Variants in FAM83B observed in about 807,000 individuals in gnomAD.
The protein encoded by FAM83B is protein FAM83B.
A neutral mutation model predicts 38.8 loss-of-function variants in FAM83B; 26 were observed. The observed-to-expected ratio is 0.67, with a 90% confidence interval of 0.49 to 0.93. FAM83B has a LOEUF of 0.93. Among genes scored for constraint, FAM83B ranks in the 40% least tolerant of loss-of-function variants. FAM83B has a pLI of 0.00. For missense variants in FAM83B, 1,237 were observed against 1,197.3 expected (o/e 1.03, Z -0.49); for synonymous variants, 419 against 423.1 (o/e 0.99, Z 0.12).
Position 54,939,716 on chromosome 6 carries a change from T to C in FAM83B, c.745T>C (p.Ser249Pro). 6.3e-7 allele frequency: 1 copy of C among 1,586,492 alleles called. No homozygotes were observed. The highest frequency in any genetic ancestry group is 8.6e-7 in the Non-Finnish European group (1 of 1,168,710). ...VMYGSYSYMW[S>P]FEKAHLSMVQ... is the part of the protein sequence containing the mutation. ...CATTTTTTTCCCCAGTTATATGTGG[T>C]CATTTGAGAAAGCTCACCTCAGCAT... The change falls in exon 5 of 5, where the codon TCA becomes CCA. Residue 249 changes from serine (S) to proline (P), a missense_variant. Ser to Pro is a moderately conservative substitution (Grantham distance 74). Coordinates refer to ENST00000306858, the MANE Select transcript of FAM83B (RefSeq NM_001010872.3).
intron 2 of FAM83B, among the ~76,000 whole-genome samples, chr6:54,919,509 T>C (rs569343099): frequency 6.6e-6 from 1 of 152,150 alleles, no homozygotes; most frequent in Admixed American, 6.5e-5. Flanking sequence ...TTCCCCCCAC[T>C]TTCACCAAGC....
intron 2 of FAM83B, among the ~76,000 whole-genome samples, chr6:54,892,192 C>T (rs2127580545): frequency 6.6e-6 from 1 of 152,224 alleles, no homozygotes; most frequent in Non-Finnish European, 1.5e-5. Flanking sequence ...CTGCAAGTGC[C>T]AAAGAAGCCC....
rs1337870712 is a variant in FAM83B at position 54,870,603 on chromosome 6, C to A, written c.357C>A (p.Thr119=). 4 of 1,613,674 alleles carry A rather than the reference C, an allele frequency of 2.5e-6. No individual in the cohort carries two copies. Among genetic ancestry groups the A allele is most frequent in the Non-Finnish European group, 2.5e-6 (3 of 1,179,912 alleles). Residue 119 remains threonine, a synonymous_variant, in exon 2 of 5, where the codon ACC becomes ACA. Transcript: ENST00000306858. Reference sequence around the variant, plus strand: ...TGATGCCCGGACTCTTAGGGGGCACCCATATAGATCTCCTTTTTCATCCAC... The same window carrying A: ...TGATGCCCGGACTCTTAGGGGGCACACATATAGATCTCCTTTTTCATCCAC... ...PYVMPGLLGG[T]HIDLLFHPPR... is the part of the protein sequence containing the mutation.
chr6:54,867,557 T>C (rs886971240), intron 1 of FAM83B, among the ~76,000 whole-genome samples: 7 of 152,108 alleles, frequency 4.6e-5, no homozygotes, highest in Non-Finnish European at 8.8e-5. Flanking sequence ...TTCTGTGTGG[T>C]ATCTGGCTAT....
intron 2 of FAM83B, among the ~76,000 whole-genome samples, chr6:54,899,539 C>T (rs1334378735): frequency 6.6e-6 from 1 of 152,156 alleles, no homozygotes; most frequent in African/African-American, 2.4e-5. Context: ...ATTTATTTCT[C>T]ACAATTCTGG....
At chr6:54,884,793 A>G (rs1290317288) in intron 2 of FAM83B, among the ~76,000 whole-genome samples, 3 of 150,128 alleles carry the variant, frequency 2.0e-5, no homozygotes, top group South Asian at 4.2e-4. Flanking sequence ...TTTTTTTTGA[A>G]ACGGAGTCTA....
At chr6:54,895,588 A>G (rs1225341725) in intron 2 of FAM83B, among the ~76,000 whole-genome samples, 1 of 152,210 alleles carries the variant, frequency 6.6e-6, no homozygotes, top group African/African-American at 2.4e-5. Context: ...AGCATCATAT[A>G]TTCTGGAACT....
intron 2 of FAM83B, among the ~76,000 whole-genome samples, chr6:54,905,505 A>G (rs564234321): frequency 6.6e-6 from 1 of 152,286 alleles, no homozygotes; most frequent in South Asian, 2.1e-4. Flanking sequence ...TTTCGTGGTA[A>G]GAACTCAACA....
Position 54,925,634 on chromosome 6 carries a change from A to G in FAM83B, c.445-737A>G, listed in dbSNP as rs148116178. On this transcript the variant is annotated intron_variant, in intron 2 of 4. Coordinates refer to ENST00000306858, the MANE Select transcript of FAM83B (RefSeq NM_001010872.3). ...CAAGTACAGCTGGCCCTTAAACAAC[A>G]TGGGTGTGAACTGCTTCAATCCACT... 3.5e-4 allele frequency among the ~76,000 whole-genome samples: 53 copies of G among 152,216 alleles called. 1 individual carries two copies. In the East Asian group the frequency reaches 0.01, roughly 29 times the overall value.
rs535674042 is a variant in FAM83B, at chr6:54,906,684, G to A, written c.445-19687G>A. Among the ~76,000 whole-genome samples the A allele has an allele frequency of 5.1e-4, 78 of 152,056 alleles. 3 individuals are homozygous for A. The highest frequency in any genetic ancestry group is 1.8e-3 in the African/African-American group (75 of 41,518). ...CAGGCGTGAACCACCATGTCTGGCC[G>A]AGAAAACAATTATTTTTAGACTGAA... On this transcript the variant is annotated intron_variant, in intron 2 of 4. Transcript: ENST00000306858.
intron 2 of FAM83B, among the ~76,000 whole-genome samples, chr6:54,913,602 AAG>A (rs921251965): frequency 2.7e-4 from 41 of 152,198 alleles, no homozygotes; most frequent in African/African-American, 9.1e-4. Flanking sequence ...CAAAAATAAA[AAG>A]AGAAAATTTA....
chr6:54,918,486 A>G (rs182802405), intron 2 of FAM83B, among the ~76,000 whole-genome samples: 1 of 152,278 alleles, frequency 6.6e-6, no homozygotes, highest in East Asian at 1.9e-4. Context: ...CAGGAAACTT[A>G]CAATCATGGC....
intron 2 of FAM83B, among the ~76,000 whole-genome samples, chr6:54,894,734 A>G (rs1772490128): frequency 6.6e-6 from 1 of 152,170 alleles, no homozygotes; most frequent in African/African-American, 2.4e-5. Context: ...ACAGGCCCTT[A>G]GAATTTAGAA....
rs1438210082 is a variant in FAM83B at position 54,944,819 on chromosome 6, A to G, written c.*2812A>G. On this transcript the variant is annotated 3_prime_UTR_variant, in exon 5 of 5. Transcript: ENST00000306858. ...CTGTTTTTTTTAAAATAACTTTATC[A>G]TGATATTCAGGTAGATCCTGGGTTC... 1 of 152,166 alleles carries G rather than the reference A, an allele frequency of 6.6e-6. No homozygotes were observed. Among genetic ancestry groups the G allele is most frequent in the Non-Finnish European group, 1.5e-5 (1 of 68,026 alleles). The allele number at this position is 152,166 out of a possible 1,614,324, so 9.4% of individuals were successfully genotyped here.
chr6:54,892,357 ATCATT>A (rs1772424613), intron 2 of FAM83B, among the ~76,000 whole-genome samples: 1 of 151,634 alleles, frequency 6.6e-6, no homozygotes, highest in Admixed American at 6.6e-5. Context: ...TGTTGTACAG[ATCATT>A]TCATCACCCA....
chr6:54,942,046 T>C lies in FAM83B; in HGVS notation c.*39T>C. 2 of 1,549,478 alleles carry C rather than the reference T, an allele frequency of 1.3e-6. No individual in the cohort carries two copies. The highest frequency in any genetic ancestry group is 8.7e-7 in the Non-Finnish European group (1 of 1,151,350). Reference sequence around the variant, plus strand: ...AAATGAATGAGGCTATCAATATTTGTCCAAAGAAAATTGTGGACAGTCTTT... The same window carrying C: ...AAATGAATGAGGCTATCAATATTTGCCCAAAGAAAATTGTGGACAGTCTTT... On this transcript the variant is annotated 3_prime_UTR_variant, in exon 5 of 5. Coordinates refer to ENST00000306858, the MANE Select transcript of FAM83B (RefSeq NM_001010872.3).
intron 2 of FAM83B, among the ~76,000 whole-genome samples, chr6:54,905,735 A>G (rs1019794346): frequency 6.6e-5 from 10 of 152,182 alleles, no homozygotes; most frequent in Admixed American, 5.2e-4. Flanking sequence ...AATAAATAAT[A>G]GAGACATTTA....
chr6:54,866,760 A>G (rs948122197), intron 1 of FAM83B, among the ~76,000 whole-genome samples: 14 of 152,082 alleles, frequency 9.2e-5, no homozygotes, highest in Non-Finnish European at 1.3e-4. Flanking sequence ...ATAAGTTTCA[A>G]CTTTTCTTGG....
chr6:54,941,173 T>TACC lies in FAM83B; in HGVS notation c.2204_2206dup (p.Thr735dup). 6.2e-7 allele frequency: 1 copy of TACC among 1,614,070 alleles called. No homozygotes were observed. The highest frequency in any genetic ancestry group is 1.3e-5 in the African/African-American group (1 of 75,058). On this transcript the variant is annotated inframe_insertion, in exon 5 of 5. Transcript: ENST00000306858. ...AGAGAAACTCTCCAAGTGGCACTAC[T>TACC]ACCAAATCAGTTTCCATTGCTGCTT...
Sources: allele counts gnomAD v4.1 joint callset (sites outside exome capture counted in the v4.1 genomes callset), GRCh38; gene constraint gnomAD v4.1.1; transcripts MANE v1.5; gene names NCBI Gene and HGNC (gene_info 2026-07-23, HGNC 2026-07-21).